Variants in DAB2IP observed in about 807,000 individuals in gnomAD.
DAB2IP encodes DAB2 interacting protein.
Under a neutral mutation model 107.2 loss-of-function variants are expected in DAB2IP, and 28 were observed. The ratio of observed to expected loss-of-function variants is 0.26; its 90% CI spans 0.19 to 0.36. The LOEUF (loss-of-function observed/expected upper bound fraction) is 0.36. DAB2IP is among the 10% of genes least tolerant of loss of function. The pLI, the probability that DAB2IP is intolerant of heterozygous loss-of-function variation, is 1.00. For missense variants in DAB2IP, 1,400 were observed against 1,644.7 expected (o/e 0.85, Z 2.57); for synonymous variants, 755 against 706.4 (o/e 1.07, Z -1.09).
chr9:121,644,063 CG>C (rs1282797849), intron 1 of DAB2IP, among the ~76,000 whole-genome samples: 4 of 152,006 alleles, frequency 2.6e-5, no homozygotes, highest in Admixed American at 6.6e-5. Flanking sequence ...CCTAGCTGCT[CG>C]GGAGGCTGAG....
At chr9:121,759,840 C>T (rs1192881635) in intron 5 of DAB2IP, 45 bp from the exon 6 acceptor site, 11 of 1,545,594 alleles carry the variant, frequency 7.1e-6, no homozygotes, top group South Asian at 2.5e-5. Flanking sequence ...GGGGGTTGCA[C>T]GTGGCACCCC....
intron 1 of DAB2IP, among the ~76,000 whole-genome samples, chr9:121,581,093 A>G (rs1174351526): frequency 6.6e-6 from 1 of 152,172 alleles, no homozygotes; most frequent in East Asian, 1.9e-4. Flanking sequence ...CAGGGGAGGA[A>G]CAGGGTTGTG....
At chr9:121,587,612 A>G (rs891366512) in intron 1 of DAB2IP, among the ~76,000 whole-genome samples, 3 of 150,490 alleles carry the variant, frequency 2.0e-5, no homozygotes, top group African/African-American at 7.4e-5. Context: ...CTGTCTCGAA[A>G]AGAAAAAAAA....
chr9:121,686,350 C>CCTCCT (rs1223407895), intron 2 of DAB2IP, among the ~76,000 whole-genome samples: 1 of 152,182 alleles, frequency 6.6e-6, no homozygotes. Context: ...CTCTGTACCC[C>CCTCCT]CTCCTCTTCC....
intron 1 of DAB2IP, among the ~76,000 whole-genome samples, chr9:121,584,207 A>G (rs1196650507): frequency 6.6e-6 from 1 of 152,042 alleles, no homozygotes; most frequent in Non-Finnish European, 1.5e-5. Context: ...AACTTTTTTG[A>G]GATAGATTAC....
Position 121,772,242 on chromosome 9 carries a change from G to A in DAB2IP, c.2079-365G>A, listed in dbSNP as rs1463702529. On this transcript the variant is annotated intron_variant, in intron 11 of 15. Coordinates refer to ENST00000408936, the Ensembl canonical transcript of DAB2IP. This position sits in a 1 kb window ranked among gnomAD's most constrained non-coding sequence, Gnocchi z 4.7. Reference sequence around the variant, plus strand: ...TGGGGTTCTCAATGCAGGATCCGTGGATAGCAGAGAGCCACTGAGTTGTGG... The same window carrying A: ...TGGGGTTCTCAATGCAGGATCCGTGAATAGCAGAGAGCCACTGAGTTGTGG... Among the ~76,000 whole-genome samples, 3 of 152,216 alleles carry A rather than the reference G, an allele frequency of 2.0e-5. No homozygotes were observed. Among genetic ancestry groups the A allele is most frequent in the Non-Finnish European group, 2.9e-5 (2 of 68,036 alleles).
At position 121,589,893 on chromosome 9, in the gene DAB2IP, A is replaced by G. The variant is rs554490896; in HGVS notation, c.40+22665A>G. 3.5e-5 allele frequency among the ~76,000 whole-genome samples: 5 copies of G among 144,560 alleles called. No homozygotes were observed. The East Asian group carries it at 1.1e-3, about 31-fold the overall frequency. The allele number at this position is 144,560 out of a possible 152,430, so 94.8% of individuals were successfully genotyped here. ...CTTGCACTGACTGCATGGAAGCTCA[A>G]TTCCTCCTTCTGCCCAGTCCTGCTC... is the stretch of plus-strand genomic sequence containing the variant. On this transcript the variant is annotated intron_variant, in intron 1 of 16. Coordinates refer to the DAB2IP transcript ENST00000259371.
intron 14 of DAB2IP, among the ~76,000 whole-genome samples, chr9:121,780,765 CAGCAGGACGG>C (rs1435285632): frequency 2.6e-5 from 4 of 152,170 alleles, no homozygotes; most frequent in Non-Finnish European, 5.9e-5. Context: ...AGGCAGGGAG[CAGCAGGACGG>C]AGCCGGCCTC....
intron 1 of DAB2IP, among the ~76,000 whole-genome samples, chr9:121,607,458 A>C (rs1202774768): frequency 6.6e-6 from 1 of 151,930 alleles, no homozygotes; most frequent in Non-Finnish European, 1.5e-5. Flanking sequence ...AAGCACCACC[A>C]TGCCCAGCTA....
At chr9:121,658,208 T>A (rs1318450268) in intron 1 of DAB2IP, among the ~76,000 whole-genome samples, 2 of 152,206 alleles carry the variant, frequency 1.3e-5, no homozygotes, top group Non-Finnish European at 2.9e-5. Context: ...CTTTTGACTA[T>A]TTTTAAGAGA....
At chr9:121,759,765 C>G in intron 5 of DAB2IP, 120 bp from the exon 6 acceptor site, 1 of 886,804 alleles carries the variant, frequency 1.1e-6, no homozygotes, top group East Asian at 2.7e-5. Flanking sequence ...CCTAGGCGCC[C>G]GCTGCCGCCT....
intron 3 of DAB2IP, among the ~76,000 whole-genome samples, chr9:121,700,282 G>C (rs948182734): frequency 6.6e-6 from 1 of 152,196 alleles, no homozygotes; most frequent in African/African-American, 2.4e-5. Context: ...CAGGGAGCAG[G>C]CTTCAGCTCG....
At chr9:121,773,145 G>A (rs554798341) in exon 12 of DAB2IP, 3 of 1,610,224 alleles carry the variant, frequency 1.9e-6, no homozygotes, top group Admixed American at 1.7e-5. Flanking sequence ...TGCCAAGCTG[G>A]GAAGTTTCAG....
chr9:121,656,297 C>T lies in DAB2IP; in HGVS notation c.124+4398C>T, dbSNP rs967566009. Among the ~76,000 whole-genome samples the T allele has an allele frequency of 4.6e-5, 7 of 151,842 alleles. No homozygotes were observed. The Middle Eastern group carries it at 0.01, about 221-fold the overall frequency. On this transcript the variant is annotated intron_variant, in intron 1 of 15. Coordinates refer to ENST00000408936, the Ensembl canonical transcript of DAB2IP. The stretch of plus-strand genomic sequence containing the variant: ...TGCTGGGATTACAGGCATGAGCCAC[C>T]GTGCCTGGCTGGGACCCTGGCTTTG...
At chr9:121,781,614 C>T in intron 15 of DAB2IP, 63 bp downstream of exon 15, 2 of 1,496,518 alleles carry the variant, frequency 1.3e-6, no homozygotes, top group African/African-American at 1.4e-5. Context: ...GGAGGGGTGA[C>T]TAGCCTCTCC....
chr9:121,663,602 A>C (rs1411127792), intron 1 of DAB2IP, among the ~76,000 whole-genome samples: 3 of 152,206 alleles, frequency 2.0e-5, no homozygotes, highest in African/African-American at 4.8e-5. Flanking sequence ...CTTACAGACC[A>C]TTGGAACTCG....
chr9:121,606,393 C>T (rs1184383249), intron 1 of DAB2IP, among the ~76,000 whole-genome samples: 4 of 145,246 alleles, frequency 2.8e-5, no homozygotes, highest in Non-Finnish European at 6.3e-5. Flanking sequence ...ATGTATGCTA[C>T]AGCACAAAGC....
In DAB2IP at chr9:121,722,689, G is replaced by A. The variant is rs143330544; in HGVS notation, c.362+23231G>A. Among the ~76,000 whole-genome samples, 1,134 of 151,984 alleles carry A rather than the reference G, an allele frequency of 7.5e-3. 12 individuals carry two copies. The highest frequency in any genetic ancestry group is 0.02 in the Middle Eastern group (6 of 294). ...TGGATCATAGGGGGAGTGACAGACA[G>A]GGGGAAGAAACAGAAAAAGGGAAGT... is the stretch of plus-strand genomic sequence containing the variant. On this transcript the variant is annotated intron_variant, in intron 3 of 15. Coordinates refer to ENST00000408936, the Ensembl canonical transcript of DAB2IP.
At chr9:121,632,981 G>A (rs1831949628) in intron 1 of DAB2IP, among the ~76,000 whole-genome samples, 1 of 152,300 alleles carries the variant, frequency 6.6e-6, no homozygotes, top group Non-Finnish European at 1.5e-5. Context: ...CTTTCGGGGG[G>A]CTCCCCAACC....
Sources: gnomAD v4.1 joint callset for allele counts (sites outside exome capture counted in the v4.1 genomes callset) on GRCh38, gnomAD v4.1.1 for gene constraint, Gnocchi (gnomAD v3.1) non-coding constraint, MANE v1.5 for transcripts, NCBI Gene and HGNC (gene_info 2026-07-23, HGNC 2026-07-21) for gene names.